The following INPP4B variants were observed in gnomAD, a reference collection of about 807,000 sequenced individuals.
The protein encoded by INPP4B is inositol polyphosphate 4-phosphatase type II.
INPP4B carries 55 observed loss-of-function variants against 122.5 expected under a neutral mutation model. That is an observed-to-expected ratio of 0.45 (90% CI 0.36 to 0.56). The LOEUF (loss-of-function observed/expected upper bound fraction) is 0.56, where lower values mean the gene tolerates loss of function less well. Among genes scored for constraint, INPP4B ranks in the 20% least tolerant of loss-of-function variants. INPP4B has a pLI of 0.00. For missense variants in INPP4B, 1,000 were observed against 1,097.7 expected, an observed-to-expected ratio of 0.91 and a Z score of 1.26; for synonymous variants, 403 against 388.7, an observed-to-expected ratio of 1.04 and a Z score of -0.43.
intron 2 of INPP4B, among the ~76,000 whole-genome samples, chr4:142,468,448 C>T (rs903872656): frequency 1.6e-4 from 25 of 152,232 alleles, no homozygotes; most frequent in African/African-American, 5.5e-4. Context: ...TGCTATGATT[C>T]GGACGTTAGC....
chr4:142,555,337 C>T (rs1728912151), intron 2 of INPP4B, among the ~76,000 whole-genome samples: 1 of 152,038 alleles, frequency 6.6e-6, no homozygotes, highest in South Asian at 2.1e-4. Flanking sequence ...GTTCAGCAGC[C>T]CTGGTCAGAG....
At chr4:142,176,683 G>GA (rs1281722536) in intron 15 of INPP4B, among the ~76,000 whole-genome samples, 1 of 152,084 alleles carries the variant, frequency 6.6e-6, no homozygotes, top group Non-Finnish European at 1.5e-5. Context: ...AATGTTTATT[G>GA]AAAAAAATGC....
intron 2 of INPP4B, among the ~76,000 whole-genome samples, chr4:142,533,374 G>C (rs972705211): frequency 6.6e-6 from 1 of 152,088 alleles, no homozygotes; most frequent in African/African-American, 2.4e-5. Context: ...TTGGTATAAA[G>C]ATTCAACTCA....
At chr4:142,749,958 A>G (rs331961) in intron 1 of INPP4B, among the ~76,000 whole-genome samples, 35,266 of 151,894 alleles carry the variant, frequency 0.23, 4,352 homozygotes, top group South Asian at 0.35. Context: ...GTCAGTGTGG[A>G]AAAAATGTTA....
chr4:142,509,142 T>C (rs1824391846), intron 2 of INPP4B, among the ~76,000 whole-genome samples: 1 of 152,204 alleles, frequency 6.6e-6, no homozygotes. Flanking sequence ...AACAAGTCCA[T>C]GTCTTGAATG....
intron 25 of INPP4B, among the ~76,000 whole-genome samples, chr4:142,035,157 C>A (rs1743050143): frequency 6.6e-6 from 1 of 152,146 alleles, no homozygotes; most frequent in African/African-American, 2.4e-5. Context: ...GGCCAGCATC[C>A]CCACTTGGCT....
chr4:142,151,411 T>G (rs1427205214), intron 17 of INPP4B, among the ~76,000 whole-genome samples: 1 of 152,310 alleles, frequency 6.6e-6, no homozygotes, highest in East Asian at 1.9e-4. Flanking sequence ...CTGCTTTAAC[T>G]TCACCTATTT....
intron 15 of INPP4B, among the ~76,000 whole-genome samples, chr4:142,175,752 C>A (rs1827849915): frequency 6.6e-6 from 1 of 152,068 alleles, no homozygotes; most frequent in African/African-American, 2.4e-5. Flanking sequence ...CAAAAGAAAT[C>A]ATGAACTCAG....
chr4:142,513,711 G>C (rs974439226), intron 2 of INPP4B, among the ~76,000 whole-genome samples: 1 of 152,024 alleles, frequency 6.6e-6, no homozygotes, highest in African/African-American at 2.4e-5. Context: ...CTGGCCTGGG[G>C]GTCTCTTTTA....
intron 21 of INPP4B, among the ~76,000 whole-genome samples, chr4:142,120,004 T>C (rs763486020): frequency 6.6e-6 from 1 of 151,800 alleles, no homozygotes; most frequent in Non-Finnish European, 1.5e-5. Context: ...TACATTTAGA[T>C]CTATAATCTA....
chr4:142,624,866 A>C (rs1188533875), intron 2 of INPP4B, among the ~76,000 whole-genome samples: 1 of 152,124 alleles, frequency 6.6e-6, no homozygotes, highest in African/African-American at 2.4e-5. Flanking sequence ...TATAAACAGA[A>C]TCAAAGACAA....
intron 24 of INPP4B, among the ~76,000 whole-genome samples, chr4:142,084,934 T>C (rs1185679799): frequency 1.3e-5 from 2 of 152,192 alleles, no homozygotes; most frequent in Admixed American, 6.5e-5. Context: ...GAAAATCCAA[T>C]TTATGACCTA....
intron 11 of INPP4B, among the ~76,000 whole-genome samples, chr4:142,246,149 T>C (rs1728715866): frequency 6.8e-6 from 1 of 146,610 alleles, no homozygotes; most frequent in Non-Finnish European, 1.5e-5. Flanking sequence ...TATATATACA[T>C]ATATGTGTTT....
At chr4:142,250,312 C>T (rs1202484667) in intron 11 of INPP4B, among the ~76,000 whole-genome samples, 1 of 152,114 alleles carries the variant, frequency 6.6e-6, no homozygotes, top group African/African-American at 2.4e-5. Flanking sequence ...CTGATTTATA[C>T]CAAAATCGCT....
At chr4:142,152,660 C>T (rs1242409070) in intron 17 of INPP4B, among the ~76,000 whole-genome samples, 1 of 152,048 alleles carries the variant, frequency 6.6e-6, no homozygotes, top group Non-Finnish European at 1.5e-5. Context: ...GTGGGGTGAT[C>T]ATAGCTCACT....
intron 25 of INPP4B, among the ~76,000 whole-genome samples, chr4:142,072,117 G>C (rs1767784832): frequency 6.6e-6 from 1 of 152,164 alleles, no homozygotes; most frequent in African/African-American, 2.4e-5. Context: ...ACTGGATTAA[G>C]AAAATGTGGC....
In INPP4B at chr4:142,689,500, G is replaced by T. The variant is rs554495983; in HGVS notation, c.-191+36339C>A. Among the ~76,000 whole-genome samples the T allele has an allele frequency of 7.0e-4, 106 of 152,200 alleles. No homozygotes were observed. In the Middle Eastern group the frequency reaches 0.017, roughly 24 times the overall value. ...TGATTTCAACAATCAGTGCTGAATT[G>T]CCCATGATAACCTTTTTTGTTAGGT... On this transcript the variant is annotated intron_variant, in intron 2 of 25. Coordinates refer to ENST00000262992, the MANE Select transcript of INPP4B (RefSeq NM_001101669.3).
intron 18 of INPP4B, among the ~76,000 whole-genome samples, chr4:142,131,002 C>T (rs1431871204): frequency 1.3e-5 from 2 of 152,178 alleles, no homozygotes; most frequent in Non-Finnish European, 2.9e-5. Flanking sequence ...GTAAATTCTG[C>T]TAAGACAGTT....
At chr4:142,064,637 CA>C (rs1228109158) in intron 25 of INPP4B, among the ~76,000 whole-genome samples, 1 of 151,788 alleles carries the variant, frequency 6.6e-6, no homozygotes, top group Non-Finnish European at 1.5e-5. Flanking sequence ...TTTTTTCTGG[CA>C]AAAATAATAT....
Sources: allele counts gnomAD v4.1 joint callset (sites outside exome capture counted in the v4.1 genomes callset), GRCh38; gene constraint gnomAD v4.1.1; transcripts MANE v1.5; gene names NCBI Gene and HGNC (gene_info 2026-07-23, HGNC 2026-07-21).